CNTNAP2: variants seen among roughly 807,000 people sequenced by gnomAD.
CNTNAP2 encodes contactin-associated protein-like 2.
Under a neutral mutation model 155.2 loss-of-function variants are expected in CNTNAP2, and 98 were observed. That is an observed-to-expected ratio of 0.63 (90% confidence interval 0.54 to 0.75). The LOEUF is 0.75. Ranked by LOEUF, CNTNAP2 falls within the 30% of genes least tolerant of loss-of-function variation. The probability of loss-of-function intolerance (pLI) is 0.00; values close to 1 mark genes in which losing one functional copy is unlikely to be tolerated. For missense variants in CNTNAP2, 1,727 were observed against 1,688.1 expected, an observed-to-expected ratio of 1.02 and a Z score of -0.40; for synonymous variants, 651 against 631.2, an observed-to-expected ratio of 1.03 and a Z score of -0.47.
At chr7:148,330,474 A>AAGTGGACGGATGG (rs1190908944) in intron 21 of CNTNAP2, among the ~76,000 whole-genome samples, 623 of 61,364 alleles carry the variant, frequency 0.01, 18 homozygotes, top group African/African-American at 0.037. Flanking sequence ...TGGATGGATG[A>AAGTGGACGGATGG]AGTGGACGGA....
intron 1 of CNTNAP2, among the ~76,000 whole-genome samples, chr7:146,134,543 G>A (rs1797768673): frequency 6.6e-6 from 1 of 151,066 alleles, no homozygotes; most frequent in African/African-American, 2.4e-5. Flanking sequence ...TATTGGCTGT[G>A]GGTTTGTCAT....
At chr7:146,387,357 A>T (rs1584901041) in intron 1 of CNTNAP2, among the ~76,000 whole-genome samples, 1 of 152,048 alleles carries the variant, frequency 6.6e-6, no homozygotes, top group African/African-American at 2.4e-5. Context: ...GCCCCAGGTG[A>T]CTCACAGAAA....
intron 7 of CNTNAP2, among the ~76,000 whole-genome samples, chr7:147,131,076 A>G (rs1419546257): frequency 7.8e-6 from 1 of 127,664 alleles, no homozygotes; most frequent in Non-Finnish European, 1.6e-5. Context: ...GTGTGTATAT[A>G]TATGTATATA....
At chr7:147,312,889 G>C (rs1451641426) in intron 9 of CNTNAP2, among the ~76,000 whole-genome samples, 1 of 132,014 alleles carries the variant, frequency 7.6e-6, no homozygotes, top group Non-Finnish European at 1.5e-5. Flanking sequence ...CAGTGTAAAA[G>C]TGTTTCTATT....
chr7:147,575,952 T>C (rs569878358), intron 12 of CNTNAP2, among the ~76,000 whole-genome samples: 1 of 152,118 alleles, frequency 6.6e-6, no homozygotes, highest in East Asian at 1.9e-4. Context: ...TGTAACACAA[T>C]TTACAAAAGG....
At chr7:147,045,888 A>C (rs1799347925) in intron 4 of CNTNAP2, among the ~76,000 whole-genome samples, 1 of 152,072 alleles carries the variant, frequency 6.6e-6, no homozygotes, top group African/African-American at 2.4e-5. Context: ...ATATATATAT[A>C]TATAATCCTT....
chr7:146,910,180 C>T (rs908738755), intron 3 of CNTNAP2, among the ~76,000 whole-genome samples: 1 of 136,972 alleles, frequency 7.3e-6, no homozygotes, highest in Non-Finnish European at 1.6e-5. Context: ...GAAGAACATT[C>T]CATGCTCATG....
intron 1 of CNTNAP2, among the ~76,000 whole-genome samples, chr7:146,287,020 C>T (rs1584849313): frequency 6.6e-6 from 1 of 152,126 alleles, no homozygotes; most frequent in East Asian, 1.9e-4. Flanking sequence ...AACAGAACAA[C>T]CTCAATAAGA....
chr7:146,860,990 TTTC>T (rs1477037786), intron 3 of CNTNAP2, among the ~76,000 whole-genome samples: 1 of 152,146 alleles, frequency 6.6e-6, no homozygotes, highest in Non-Finnish European at 1.5e-5. Flanking sequence ...CTAGAATTTT[TTTC>T]TTGTTGTTTG....
intron 14 of CNTNAP2, among the ~76,000 whole-genome samples, chr7:147,911,912 C>G (rs569144564): frequency 1.3e-5 from 2 of 152,262 alleles, no homozygotes; most frequent in South Asian, 4.1e-4. Flanking sequence ...GCTACGAGCA[C>G]GGTGGTACAA....
At chr7:147,594,126 T>TC (rs5888276) in intron 12 of CNTNAP2, among the ~76,000 whole-genome samples, 59 of 12,240 alleles carry the variant, frequency 4.8e-3, no homozygotes, top group African/African-American at 0.031. Flanking sequence ...CTGGTGTCTC[T>TC]TTTTTTTTTT....
intron 1 of CNTNAP2, among the ~76,000 whole-genome samples, chr7:146,464,980 A>G (rs2129125531): frequency 6.6e-6 from 1 of 152,004 alleles, no homozygotes; most frequent in East Asian, 1.9e-4. Context: ...TGATCATTCC[A>G]TTTCTGAACC....
chr7:147,799,378 A>G (rs1210457244), intron 13 of CNTNAP2, among the ~76,000 whole-genome samples: 2 of 152,312 alleles, frequency 1.3e-5, no homozygotes, highest in East Asian at 3.9e-4. Flanking sequence ...GTAGTAAATC[A>G]TAACATTTGT....
At chr7:146,219,069 G>T (rs768649952) in intron 1 of CNTNAP2, among the ~76,000 whole-genome samples, 3 of 152,138 alleles carry the variant, frequency 2.0e-5, no homozygotes, top group Non-Finnish European at 4.4e-5. Context: ...CAAAAGAGAC[G>T]CCAGGACCTT....
chr7:147,261,424 C>T (rs1220062076), intron 8 of CNTNAP2, among the ~76,000 whole-genome samples: 5 of 152,132 alleles, frequency 3.3e-5, no homozygotes, highest in Non-Finnish European at 7.3e-5. Context: ...TAAGATAGTT[C>T]TAGGTTGTTG....
At chr7:147,581,285 A>G (rs1341412416) in intron 12 of CNTNAP2, among the ~76,000 whole-genome samples, 1 of 152,206 alleles carries the variant, frequency 6.6e-6, no homozygotes, top group African/African-American at 2.4e-5. Context: ...TTTTTAACAG[A>G]TCTTTGGTCT....
intron 1 of CNTNAP2, among the ~76,000 whole-genome samples, chr7:146,612,999 T>G (rs555886413): frequency 4.7e-4 from 71 of 151,280 alleles, no homozygotes; most frequent in African/African-American, 1.7e-3. Flanking sequence ...CTTTTTGTCC[T>G]CCCACTCACT....
At chr7:146,956,806 C>G (rs1797447263) in intron 3 of CNTNAP2, among the ~76,000 whole-genome samples, 1 of 152,048 alleles carries the variant, frequency 6.6e-6, no homozygotes, top group Non-Finnish European at 1.5e-5. Context: ...TAAATGGGAT[C>G]ACTGGATAAA....
chr7:148,257,914 ACACCT>A, intron 20 of CNTNAP2, among the ~76,000 whole-genome samples: 1 of 83,690 alleles, frequency 1.2e-5, no homozygotes. Context: ...CTAGGAATCC[ACACCT>A]TAAACACACA....
Sources: allele counts gnomAD v4.1 joint callset (sites outside exome capture counted in the v4.1 genomes callset), GRCh38; gene constraint gnomAD v4.1.1; transcripts MANE v1.5; gene names NCBI Gene and HGNC (gene_info 2026-07-23, HGNC 2026-07-21).